The following ASPHD1 variants were observed in gnomAD, a reference collection of about 807,000 sequenced individuals.
ASPHD1 encodes aspartate beta-hydroxylase domain-containing protein 1.
Under a neutral mutation model 28.3 loss-of-function variants are expected in ASPHD1, and 20 were observed. The ratio of observed to expected loss-of-function variants is 0.71; its 90% CI spans 0.50 to 1.03. The LOEUF is 1.03. ASPHD1 is among the 50% of genes least tolerant of loss of function. The pLI is 0.00. For synonymous variants in ASPHD1, 240 were observed against 221.2 expected (o/e 1.08, Z -0.75); for missense variants, 479 against 524.1 (o/e 0.91, Z 0.84).
chr16:29,906,577 A>G (rs1403488642), downstream of ASPHD1: 2 of 560,284 alleles, frequency 3.6e-6, no homozygotes, highest in Non-Finnish European at 6.8e-6. Context: ...CTAAAAAAAG[A>G]GAAAGGGAAT....
chr16:29,914,493 A>G (rs1047793289), intron 3 of ASPHD1: 10 of 146,980 alleles, frequency 6.8e-5, no homozygotes, highest in African/African-American at 2.5e-4. Flanking sequence ...TGAAGTGCAG[A>G]GCCACCACCA....
chr16:29,913,264 CAA>C (rs1002586959), intron 3 of ASPHD1: 3 of 151,668 alleles, frequency 2.0e-5, no homozygotes, highest in African/African-American at 7.3e-5. Flanking sequence ...AAAATAAGAG[CAA>C]AGAGGAAAGG....
Position 29,906,018 on chromosome 16 carries a change from T to C in ASPHD1, c.*121T>C. ...GCGGGGGCGGAGGATGGGAACTGGC[T>C]AGTGAGCACTGAAATATAAATTCTG... On this transcript the variant is annotated 3_prime_UTR_variant, in exon 3 of 3. Coordinates refer to ENST00000308748, the MANE Select transcript of ASPHD1 (RefSeq NM_181718.4). 1 of 611,452 alleles carries C rather than the reference T, an allele frequency of 1.6e-6. No individual in the cohort carries two copies. 37.9% of individuals were successfully genotyped at this position (611,452 alleles called of 1,614,324 possible).
chr16:29,908,053 T>C (rs1296314866), downstream of ASPHD1, among the ~76,000 whole-genome samples: 1 of 149,942 alleles, frequency 6.7e-6, no homozygotes, highest in African/African-American at 2.5e-5. Flanking sequence ...GGGGATGTGA[T>C]AGCCAGAGCC....
intron 3 of ASPHD1, chr16:29,914,742 A>G: frequency 6.6e-6 from 1 of 152,418 alleles, no homozygotes. Flanking sequence ...CCTTAAGTGC[A>G]TTTCCTATCT....
downstream of ASPHD1, among the ~76,000 whole-genome samples, chr16:29,910,483 A>G (rs1567440328): frequency 6.6e-6 from 1 of 152,212 alleles, no homozygotes; most frequent in East Asian, 1.9e-4. Context: ...CTGGGATTAC[A>G]GGTGCATGCC....
chr16:29,903,377 G>A (rs577174466), intron 1 of ASPHD1, among the ~76,000 whole-genome samples: 13 of 151,768 alleles, frequency 8.6e-5, no homozygotes, highest in African/African-American at 2.9e-4. Context: ...AAAAAAAATT[G>A]TGTAAAGACA....
intron 3 of ASPHD1, among the ~76,000 whole-genome samples, chr16:29,917,481 T>A (rs2068830534): frequency 6.6e-6 from 1 of 151,920 alleles, no homozygotes; most frequent in Non-Finnish European, 1.5e-5. Context: ...ACCCCCTTTC[T>A]ACAAAAAATA....
chr16:29,906,004 G>T lies in ASPHD1; in HGVS notation c.*107G>T. ...TACTGCGGGGGTGGGCGGGGGCGGAGGATGGGAACTGGCTAGTGAGCACTG... is the reference window on the plus strand; with the variant it reads ...TACTGCGGGGGTGGGCGGGGGCGGATGATGGGAACTGGCTAGTGAGCACTG... On this transcript the variant is annotated 3_prime_UTR_variant, in exon 3 of 3. Transcript: ENST00000308748. The T allele has an allele frequency of 1.6e-6, 1 of 639,980 alleles. No individual in the cohort carries two copies. The highest frequency in any genetic ancestry group is 2.7e-6 in the Non-Finnish European group (1 of 373,802). The allele number at this position is 639,980 out of a possible 1,614,324, so 39.6% of individuals were successfully genotyped here. A position where few individuals can be genotyped will look rare whatever the true frequency, so the allele number is the denominator to read the frequency against.
downstream of ASPHD1, chr16:29,906,798 A>T: frequency 7.4e-7 from 1 of 1,353,630 alleles, no homozygotes; most frequent in Non-Finnish European, 1.0e-6. Context: ...GCCGGGGCAA[A>T]AGTCTGGGAA....
intron 3 of ASPHD1, chr16:29,915,305 G>A (rs1218169898): frequency 6.6e-6 from 1 of 152,088 alleles, no homozygotes. Context: ...TAACTTATTG[G>A]GTATCTTGCA....
In ASPHD1 at chr16:29,904,955, G is replaced by T. The variant is rs747063536; in HGVS notation, c.1053G>T (p.Val351=). The change falls in exon 2 of 3, where the codon GTG becomes GTT. Residue 351 remains valine, a synonymous_variant. Coordinates refer to ENST00000308748, the MANE Select transcript of ASPHD1 (RefSeq NM_181718.4). ...LLVDDSFLHT[V]AHNGSPEDGP... Reference sequence around the variant, plus strand: ...TGGACGACTCTTTTCTACACACAGTGGCTCACAATGGTAACGGGGTGCCCA... The same window carrying T: ...TGGACGACTCTTTTCTACACACAGTTGCTCACAATGGTAACGGGGTGCCCA... The T allele has an allele frequency of 6.2e-7, 1 of 1,612,338 alleles. No homozygotes were observed. The highest frequency in any genetic ancestry group is 1.1e-5 in the South Asian group (1 of 90,890).
downstream of ASPHD1, chr16:29,907,179 G>A (rs565806505): frequency 9.1e-7 from 1 of 1,096,464 alleles, no homozygotes; most frequent in Non-Finnish European, 1.3e-6. Context: ...CCTGCCTAGG[G>A]CCCCTGCACC....
chr16:29,901,144 C>T lies in ASPHD1; in HGVS notation c.173C>T (p.Pro58Leu). The T allele has an allele frequency of 6.2e-7, 1 of 1,610,820 alleles. No individual in the cohort carries two copies. Among genetic ancestry groups the T allele is most frequent in the South Asian group, 1.1e-5 (1 of 90,708 alleles). The change falls in exon 1 of 3, where the codon CCA becomes CTA. Residue 58 changes from proline (P) to leucine (L), a missense_variant. Physicochemically the swap from Pro to Leu is moderately conservative, Grantham distance 98 (BLOSUM62 -3). Coordinates refer to ENST00000308748, the MANE Select transcript of ASPHD1 (RefSeq NM_181718.4). This position sits in a 1 kb window ranked among gnomAD's most constrained non-coding sequence, Gnocchi z 5.1. The part of the protein sequence containing the change: ...GQGNWGPEDA[P>L]GLLARASLIM... The stretch of plus-strand genomic sequence containing the variant: ...GGGAACTGGGGTCCGGAGGACGCCC[C>T]AGGCCTCTTGGCCAGGGCCTCCCTG...
chr16:29,903,082 G>A (rs985300579), intron 1 of ASPHD1, among the ~76,000 whole-genome samples: 12 of 151,170 alleles, frequency 7.9e-5, no homozygotes, highest in Non-Finnish European at 5.9e-5. Flanking sequence ...TAGGCCAGGC[G>A]CGGTGGCTCA....
Position 29,911,796 on chromosome 16 carries a change from C to A in ASPHD1, c.*62+5837C>A, listed in dbSNP as rs772341718. 12 of 1,612,020 alleles carry A rather than the reference C, an allele frequency of 7.4e-6. No individual in the cohort carries two copies. The South Asian group carries it at 1.3e-4, about 18-fold the overall frequency. Reference sequence around the variant, plus strand: ...TGCATCCCAGGGTCCCGCCCAGTGCCCCGCACCCCGGCGGTCACCTGGTGT... The same window carrying A: ...TGCATCCCAGGGTCCCGCCCAGTGCACCGCACCCCGGCGGTCACCTGGTGT... On this transcript the variant is annotated intron_variant and NMD_transcript_variant, in intron 3 of 3. Coordinates refer to the ASPHD1 transcript ENST00000414952.
Position 29,900,666 on chromosome 16 carries a change from C to T in ASPHD1, c.-306C>T. On this transcript the variant is annotated 5_prime_UTR_variant, in exon 1 of 3. Transcript: ENST00000308748. ...GTGAGGAGCGAGGGCAAGGAGAGAG[C>T]AGTGAGGCCGGAGAGAAAGAAGCTG... 2.1e-6 allele frequency: 1 copy of T among 487,496 alleles called. No individual in the cohort carries two copies. Among genetic ancestry groups the T allele is most frequent in the Non-Finnish European group, 3.7e-6 (1 of 271,346 alleles). 30.2% of individuals were successfully genotyped at this position (487,496 alleles called of 1,614,324 possible).
Position 29,905,911 on chromosome 16 carries a change from C to T in ASPHD1, c.*14C>T. On this transcript the variant is annotated 3_prime_UTR_variant, in exon 3 of 3. Transcript: ENST00000308748. ...CCAGACCCTTGAAGGAAGGTGCTCC[C>T]TTCACACACCCAGGCTGGAGAGACA... is the stretch of plus-strand genomic sequence containing the variant. 1 of 1,580,936 alleles carries T rather than the reference C, an allele frequency of 6.3e-7. No homozygotes were observed. The highest frequency in any genetic ancestry group is 8.6e-7 in the Non-Finnish European group (1 of 1,156,670).
chr16:29,905,014 G>C, intron 2 of ASPHD1, 49 bp downstream of exon 2: 5 of 1,421,766 alleles, frequency 3.5e-6, no homozygotes, highest in Non-Finnish European at 4.9e-6. Flanking sequence ...CAGGAGCAAA[G>C]GAGCGTTGAC....
Sources: gnomAD v4.1 joint callset for allele counts (sites outside exome capture counted in the v4.1 genomes callset) on GRCh38, gnomAD v4.1.1 for gene constraint, Gnocchi (gnomAD v3.1) non-coding constraint, MANE v1.5 for transcripts, NCBI Gene and HGNC (gene_info 2026-07-23, HGNC 2026-07-21) for gene names.